Variants in HPSE2 observed in about 807,000 individuals in gnomAD.
HPSE2 encodes the protein inactive heparanase-2.
In HPSE2, 38 loss-of-function variants were observed where a neutral mutation model predicts 60.5. That is an observed-to-expected ratio of 0.63 (90% CI 0.48 to 0.82). The LOEUF (loss-of-function observed/expected upper bound fraction) is 0.82. HPSE2 is among the 40% of genes least tolerant of loss of function. The probability of loss-of-function intolerance (pLI) is 0.00; values close to 1 mark genes in which losing one functional copy is unlikely to be tolerated. For synonymous variants in HPSE2, 295 were observed against 293.2 expected, an observed-to-expected ratio of 1.01 and a Z score of -0.06; for missense variants, 713 against 740.4, an observed-to-expected ratio of 0.96 and a Z score of 0.43.
chr10:98,632,654 A>T (rs1946394525), intron 7 of HPSE2, among the ~76,000 whole-genome samples: 1 of 152,204 alleles, frequency 6.6e-6, no homozygotes, highest in Non-Finnish European at 1.5e-5. Context: ...TAATTTACCG[A>T]GAAGTTCATG....
chr10:99,314,696 T>C, the HPSE2 span, among the ~76,000 whole-genome samples: 1 of 152,232 alleles, frequency 6.6e-6, no homozygotes, highest in Non-Finnish European at 1.5e-5. Flanking sequence ...GCACTTATAA[T>C]AGTATTAGTC....
At chr10:99,211,573 T>A (rs1294205225) in intron 2 of HPSE2, among the ~76,000 whole-genome samples, 1 of 152,088 alleles carries the variant, frequency 6.6e-6, no homozygotes, top group Non-Finnish European at 1.5e-5. Flanking sequence ...TACACTCAAC[T>A]GATTTTTGAC....
the HPSE2 span, among the ~76,000 whole-genome samples, chr10:99,306,773 G>A: frequency 7.9e-5 from 12 of 152,098 alleles, no homozygotes; most frequent in South Asian, 2.1e-4. Context: ...ACAATGGCGC[G>A]ATCTCGGCTC....
intron 3 of HPSE2, among the ~76,000 whole-genome samples, chr10:98,999,178 T>TGA (rs968790043): frequency 6.6e-6 from 1 of 151,586 alleles, no homozygotes; most frequent in Non-Finnish European, 1.5e-5. Context: ...TGTGTGTGTG[T>TGA]GTGTGTGTGT....
intron 7 of HPSE2, among the ~76,000 whole-genome samples, chr10:98,635,104 G>A (rs79091176): frequency 0.035 from 5,269 of 152,278 alleles, 148 homozygotes; most frequent in East Asian, 0.11. Flanking sequence ...CGTCAGTCTT[G>A]CTCACCATTT....
intron 3 of HPSE2, among the ~76,000 whole-genome samples, chr10:98,852,215 C>T (rs189126909): frequency 1.4e-5 from 2 of 147,692 alleles, no homozygotes; most frequent in African/African-American, 5.0e-5. Flanking sequence ...ACTCCCATAG[C>T]CCTTATTACA....
chr10:98,884,515 G>A (rs1953112495), intron 3 of HPSE2, among the ~76,000 whole-genome samples: 1 of 152,068 alleles, frequency 6.6e-6, no homozygotes, highest in African/African-American at 2.4e-5. Flanking sequence ...GTTGAAACCA[G>A]TGCTCATTTA....
intron 3 of HPSE2, among the ~76,000 whole-genome samples, chr10:99,074,482 T>C (rs1297165647): frequency 6.6e-6 from 1 of 152,146 alleles, no homozygotes; most frequent in African/African-American, 2.4e-5. Flanking sequence ...GATTTTTGCA[T>C]CTATGTTTAT....
chr10:98,579,577 C>G (rs1944736102), intron 9 of HPSE2, among the ~76,000 whole-genome samples: 1 of 152,158 alleles, frequency 6.6e-6, no homozygotes, highest in African/African-American at 2.4e-5. Context: ...TTCCCTCCAC[C>G]ACTTCTCCCC....
chr10:99,294,232 G>A, the HPSE2 span, among the ~76,000 whole-genome samples: 22 of 151,474 alleles, frequency 1.5e-4, no homozygotes, highest in Middle Eastern at 3.4e-3. Context: ...CCAGGGTTTC[G>A]ATAATCCCCA....
chr10:98,997,169 G>A (rs1473483164), intron 3 of HPSE2, among the ~76,000 whole-genome samples: 1 of 136,376 alleles, frequency 7.3e-6, no homozygotes, highest in Non-Finnish European at 1.5e-5. Flanking sequence ...CTGCAGTGCA[G>A]TGGAGCGATC....
At chr10:98,604,667 A>T (rs1436147811) in intron 9 of HPSE2, among the ~76,000 whole-genome samples, 1 of 152,250 alleles carries the variant, frequency 6.6e-6, no homozygotes. Flanking sequence ...GCCTTGAAGA[A>T]AAAAGCTTTA....
At chr10:99,053,474 AACAG>A (rs1400919934) in intron 3 of HPSE2, among the ~76,000 whole-genome samples, 1 of 152,082 alleles carries the variant, frequency 6.6e-6, no homozygotes, top group Non-Finnish European at 1.5e-5. Context: ...AGAAAAACAA[AACAG>A]ACAGGACAAA....
chr10:98,927,760 G>A lies in HPSE2; in HGVS notation c.611-183704C>T, dbSNP rs1466595776. On this transcript the variant is annotated intron_variant, in intron 3 of 11. Transcript: ENST00000370552. ...GGAAAGGATTCCCTATTTAATAAAT[G>A]GTGCTGGGAAAACTGGCTAGCCATA... Among the ~76,000 whole-genome samples the A allele has an allele frequency of 1.4e-5, 2 of 142,202 alleles. 1 individual carries two copies. Among genetic ancestry groups the A allele is most frequent in the Non-Finnish European group, 3.0e-5 (2 of 65,928 alleles). The allele number at this position is 142,202 out of a possible 152,430, so 93.3% of individuals were successfully genotyped here.
At chr10:98,900,681 A>C (rs1953641685) in intron 3 of HPSE2, among the ~76,000 whole-genome samples, 1 of 152,234 alleles carries the variant, frequency 6.6e-6, no homozygotes, top group Non-Finnish European at 1.5e-5. Flanking sequence ...TCGTCAAAGT[A>C]GATAAAATGT....
chr10:98,839,177 A>G (rs1284295715), intron 3 of HPSE2, among the ~76,000 whole-genome samples: 1 of 152,222 alleles, frequency 6.6e-6, no homozygotes, highest in Admixed American at 6.5e-5. Flanking sequence ...ATCTACAGCC[A>G]TGCAACACTA....
At chr10:98,602,246 G>A (rs984221066) in intron 9 of HPSE2, among the ~76,000 whole-genome samples, 5 of 152,172 alleles carry the variant, frequency 3.3e-5, no homozygotes, top group African/African-American at 9.7e-5. Context: ...GAGGGTGAGG[G>A]AAAGGATGTT....
At chr10:98,541,668 C>G (rs1421659507) in intron 9 of HPSE2, among the ~76,000 whole-genome samples, 2 of 152,236 alleles carry the variant, frequency 1.3e-5, no homozygotes, top group Non-Finnish European at 2.9e-5. Flanking sequence ...GAGATTACAT[C>G]CCACACATGG....
chr10:98,869,503 G>A (rs1040065772), intron 3 of HPSE2, among the ~76,000 whole-genome samples: 2 of 151,886 alleles, frequency 1.3e-5, no homozygotes, highest in African/African-American at 4.8e-5. Flanking sequence ...TTATGTTATG[G>A]CCTCATATGA....
Sources: gnomAD v4.1 joint callset for allele counts (sites outside exome capture counted in the v4.1 genomes callset) on GRCh38, gnomAD v4.1.1 for gene constraint, MANE v1.5 for transcripts, NCBI Gene and HGNC (gene_info 2026-07-23, HGNC 2026-07-21) for gene names.